Variants in MLLT3 observed in about 807,000 individuals in gnomAD.
MLLT3 encodes MLLT3 super elongation complex subunit, also known as protein AF-9.
MLLT3 carries 4 observed loss-of-function variants against 53.2 expected under a neutral mutation model. The ratio of observed to expected loss-of-function variants is 0.08; its 90% CI spans 0.04 to 0.17. MLLT3 has a LOEUF of 0.17. Among genes scored for constraint, MLLT3 ranks in the 10% least tolerant of loss-of-function variants. The pLI, the probability that MLLT3 is intolerant of heterozygous loss-of-function variation, is 1.00. For synonymous variants in MLLT3, 283 were observed against 230.6 expected (o/e 1.23, Z -2.06); for missense variants, 569 against 684.0 (o/e 0.83, Z 1.87).
intron 2 of MLLT3, among the ~76,000 whole-genome samples, chr9:20,572,699 CG>C: frequency 6.6e-6 from 1 of 152,120 alleles, no homozygotes; most frequent in East Asian, 1.9e-4. Context: ...GAGGTGGAGG[CG>C]GAAGGATTGC....
intron 10 of MLLT3, among the ~76,000 whole-genome samples, chr9:20,352,778 T>A (rs1165724212): frequency 7.2e-6 from 1 of 138,818 alleles, no homozygotes; most frequent in African/African-American, 2.7e-5. Context: ...CATTTGAAAG[T>A]AGTAAAAAAA....
At chr9:20,501,041 C>T (rs771170172) in intron 2 of MLLT3, among the ~76,000 whole-genome samples, 6 of 152,164 alleles carry the variant, frequency 3.9e-5, no homozygotes, top group Non-Finnish European at 5.9e-5. Flanking sequence ...CACACATGTG[C>T]ACCACTTTCC....
At position 20,360,799 on chromosome 9, in the gene MLLT3, A is replaced by G; in HGVS notation, c.1374T>C (p.Ala458=). Residue 458 remains alanine, a synonymous_variant, in exon 8 of 11, where the codon GCT becomes GCC. Transcript: ENST00000380338. The part of the protein sequence containing the change: ...SDGSDSESSS[A]SSPLHHEPPP... ...GAGGTTCGTGATGTAGGGGTGAAGA[A>G]GCAGAACTGCTTTCACTATCGCTGC... 6.2e-7 allele frequency: 1 copy of G among 1,614,148 alleles called. No homozygotes were observed. Among genetic ancestry groups the G allele is most frequent in the Non-Finnish European group, 8.5e-7 (1 of 1,179,932 alleles).
chr9:20,518,329 G>A (rs1467798649), intron 2 of MLLT3, among the ~76,000 whole-genome samples: 1 of 152,098 alleles, frequency 6.6e-6, no homozygotes, highest in African/African-American at 2.4e-5. Flanking sequence ...CTGGGCAAGA[G>A]AGCAAAAACT....
intron 5 of MLLT3, among the ~76,000 whole-genome samples, chr9:20,383,967 T>C (rs941624039): frequency 6.6e-6 from 1 of 152,014 alleles, no homozygotes; most frequent in Non-Finnish European, 1.5e-5. Flanking sequence ...CAAGTAATAT[T>C]TGAGAATTCA....
intron 5 of MLLT3, among the ~76,000 whole-genome samples, chr9:20,385,556 C>T (rs560852051): frequency 6.6e-6 from 1 of 152,098 alleles, no homozygotes; most frequent in Admixed American, 6.5e-5. Context: ...TTGGTTCAAT[C>T]GAGAACATCC....
intron 5 of MLLT3, among the ~76,000 whole-genome samples, chr9:20,404,276 T>C (rs564038071): frequency 2.6e-5 from 4 of 152,210 alleles, no homozygotes; most frequent in African/African-American, 7.2e-5. Context: ...ATCACTAGGT[T>C]CCTAGACTGC....
intron 2 of MLLT3, among the ~76,000 whole-genome samples, chr9:20,580,642 C>T (rs1819767314): frequency 6.6e-6 from 1 of 152,150 alleles, no homozygotes; most frequent in Admixed American, 6.6e-5. Flanking sequence ...GATGGAATGA[C>T]TTGAAATATA....
intron 4 of MLLT3, among the ~76,000 whole-genome samples, chr9:20,438,043 T>C (rs1186936433): frequency 6.6e-6 from 1 of 152,146 alleles, no homozygotes; most frequent in East Asian, 1.9e-4. Context: ...TAGATATCTA[T>C]GAATGCTGGA....
Position 20,620,619 on chromosome 9 carries a change from T to A in MLLT3, c.193+35A>T, listed in dbSNP as rs760036422. On this transcript the variant is annotated intron_variant, in intron 2 of 10. Transcript: ENST00000380338. The surrounding 1 kb of genome is among the most constrained non-coding windows in gnomAD (Gnocchi z 6.1). ...GGGCCAAGCGATTGTTTCAAAGACA[T>A]TTTTTATCAAGACCCTTTTGTATTC... 1 of 1,592,622 alleles carries A rather than the reference T, an allele frequency of 6.3e-7. No homozygotes were observed. The highest frequency in any genetic ancestry group is 1.7e-5 in the Admixed American group (1 of 58,568).
intron 2 of MLLT3, among the ~76,000 whole-genome samples, chr9:20,551,193 C>G (rs1245953245): frequency 1.3e-5 from 2 of 152,192 alleles, no homozygotes; most frequent in Non-Finnish European, 2.9e-5. Context: ...GTAAAAGGAA[C>G]AATCCCAATC....
At chr9:20,504,027 G>C (rs1825318992) in intron 2 of MLLT3, among the ~76,000 whole-genome samples, 4 of 152,054 alleles carry the variant, frequency 2.6e-5, no homozygotes, top group Admixed American at 2.6e-4. Flanking sequence ...TGCTAGAATG[G>C]CTATTATCGA....
intron 2 of MLLT3, among the ~76,000 whole-genome samples, chr9:20,553,170 T>C (rs1352467152): frequency 2.0e-5 from 3 of 152,186 alleles, no homozygotes; most frequent in Non-Finnish European, 4.4e-5. Context: ...CTCATGAATC[T>C]TGGAGCAACT....
At chr9:20,462,976 G>A (rs1824148745) in intron 2 of MLLT3, among the ~76,000 whole-genome samples, 1 of 152,022 alleles carries the variant, frequency 6.6e-6, no homozygotes, top group African/African-American at 2.4e-5. Context: ...CAGAAACACT[G>A]AAAACAATGA....
At chr9:20,370,993 G>C (rs1821584011) in intron 5 of MLLT3, among the ~76,000 whole-genome samples, 1 of 152,196 alleles carries the variant, frequency 6.6e-6, no homozygotes, top group South Asian at 2.1e-4. Flanking sequence ...TGATAAGGAA[G>C]CAAAACAGCC....
At chr9:20,599,865 A>C (rs1434081026) in intron 2 of MLLT3, among the ~76,000 whole-genome samples, 4 of 152,288 alleles carry the variant, frequency 2.6e-5, no homozygotes, top group East Asian at 1.9e-4. Context: ...CTTGGATGCC[A>C]CGTCTGTAAA....
intron 2 of MLLT3, 59 bp from the exon 3 acceptor site, chr9:20,456,845 C>A: frequency 7.8e-7 from 1 of 1,283,180 alleles, no homozygotes; most frequent in Non-Finnish European, 1.1e-6. Flanking sequence ...AGACATTCTT[C>A]TTTTAAAAAA....
At chr9:20,525,142 A>C (rs1386895324) in intron 2 of MLLT3, among the ~76,000 whole-genome samples, 4 of 152,050 alleles carry the variant, frequency 2.6e-5, no homozygotes, top group African/African-American at 4.8e-5. Flanking sequence ...AAAAAAAAAA[A>C]AAAACAGAGG....
Position 20,363,593 on chromosome 9 carries a change from G to A in MLLT3, c.1214C>T (p.Ser405Phe). Reference protein sequence around the residue: ...SQTRQQGPLRSIMKDLHSDDN... With the variant: ...SQTRQQGPLRFIMKDLHSDDN... Reference sequence around the variant, plus strand: ...ATCAGAATGCAGATCTTTCATTATAGACCTCAAAGGACCTGAGTAATGACA... The same window carrying A: ...ATCAGAATGCAGATCTTTCATTATAAACCTCAAAGGACCTGAGTAATGACA... Residue 405 changes from serine to phenylalanine, a missense_variant, in exon 7 of 11, where the codon TCT (serine) becomes TTT (phenylalanine). Ser to Phe is a radical substitution (Grantham distance 155). Around this residue, in one of 5 missense-constraint regions of MLLT3, gnomAD observed 437 missense variants for 376.5 expected, o/e 1.16. Transcript: ENST00000380338. 1 of 1,613,424 alleles carries A rather than the reference G, an allele frequency of 6.2e-7. No homozygotes were observed. The highest frequency in any genetic ancestry group is 8.5e-7 in the Non-Finnish European group (1 of 1,179,874).
Sources: allele counts gnomAD v4.1 joint callset (sites outside exome capture counted in the v4.1 genomes callset), GRCh38; gene constraint gnomAD v4.1.1; regional missense constraint gnomAD v4.1.1; non-coding constraint Gnocchi (gnomAD v3.1); transcripts MANE v1.5; gene names NCBI Gene and HGNC (gene_info 2026-07-23, HGNC 2026-07-21).